ZNF420: variants seen among roughly 807,000 people sequenced by gnomAD.
ZNF420 encodes ATM and p53-associated KZNF protein.
Under a neutral mutation model 44.7 loss-of-function variants are expected in ZNF420, and 31 were observed. That is an observed-to-expected ratio of 0.69 (90% confidence interval 0.52 to 0.94). ZNF420 has a LOEUF of 0.94. Ranked by LOEUF, ZNF420 falls within the 40% of genes least tolerant of loss-of-function variation. The probability of loss-of-function intolerance (pLI) is 0.00; values close to 1 mark genes in which losing one functional copy is unlikely to be tolerated. For synonymous variants in ZNF420, 245 were observed against 267.4 expected (o/e 0.92, Z 0.82); for missense variants, 681 against 827.9 (o/e 0.82, Z 2.18).
At chr19:37,024,665 G>A (rs958216089) in intron 1 of ZNF420, among the ~76,000 whole-genome samples, 1 of 152,110 alleles carries the variant, frequency 6.6e-6, no homozygotes, top group Non-Finnish European at 1.5e-5. Context: ...GGCTAGGCTG[G>A]TCTCGAACTC....
At chr19:37,100,295 A>C (rs73626564) in intron 4 of ZNF420, among the ~76,000 whole-genome samples, 2,924 of 151,734 alleles carry the variant, frequency 0.019, 76 homozygotes, top group East Asian at 0.05. Context: ...TGGGTTCTCT[A>C]TCCTGTTCCA....
At chr19:37,108,567 C>A (rs1051662628) in intron 4 of ZNF420, among the ~76,000 whole-genome samples, 6 of 152,162 alleles carry the variant, frequency 3.9e-5, no homozygotes, top group African/African-American at 1.2e-4. Context: ...GGCTTATGAT[C>A]TCCTGTTTCT....
Position 37,130,322 on chromosome 19 carries a change from C to A in ZNF420, c.*1264C>A. 7.3e-7 allele frequency: 1 copy of A among 1,375,354 alleles called. No homozygotes were observed. Among genetic ancestry groups the A allele is most frequent in the Non-Finnish European group, 9.4e-7 (1 of 1,060,414 alleles). The allele number at this position is 1,375,354 out of a possible 1,614,324, so 85.2% of individuals were successfully genotyped here. A position where few individuals can be genotyped will look rare whatever the true frequency, so the allele number is the denominator to read the frequency against. ...AAATTAAACATCTTATTTGTTGATGCTATTGTAGTTCTGTTATTGACAATA... is the reference window on the plus strand; with the variant it reads ...AAATTAAACATCTTATTTGTTGATGATATTGTAGTTCTGTTATTGACAATA... On this transcript the variant is annotated 3_prime_UTR_variant, in exon 5 of 5. Coordinates refer to ENST00000337995, the MANE Select transcript of ZNF420 (RefSeq NM_144689.5).
intron 1 of ZNF420, among the ~76,000 whole-genome samples, chr19:37,012,510 G>A (rs2074577708): frequency 1.3e-5 from 2 of 152,238 alleles, no homozygotes; most frequent in African/African-American, 4.8e-5. Context: ...GCCAAGAGTG[G>A]TGGAGGTCCG....
At position 37,041,581 on chromosome 19, in the gene ZNF420, G is replaced by A. The variant is rs575933383; in HGVS notation, c.-125+33499G>A. Among the ~76,000 whole-genome samples the A allele has an allele frequency of 2.6e-5, 4 of 152,274 alleles. No individual in the cohort carries two copies. The East Asian group carries it at 7.7e-4, about 29-fold the overall frequency. ...GAAAAGCAATCTGTCTTCTCAAGAT[G>A]ATGCTTTTCATAGCAGCTTTTGCCA... On this transcript the variant is annotated intron_variant, in intron 1 of 4. Coordinates refer to the ZNF420 transcript ENST00000587029.
chr19:37,111,381 T>A (rs1002163275), intron 4 of ZNF420: 3 of 152,268 alleles, frequency 2.0e-5, no homozygotes, highest in Non-Finnish European at 4.4e-5. Context: ...ATCCAATTAA[T>A]GTCTCCTAGC....
intron 4 of ZNF420, among the ~76,000 whole-genome samples, chr19:37,116,951 C>T (rs144933173): frequency 0.017 from 2,597 of 152,234 alleles, 80 homozygotes; most frequent in African/African-American, 0.059. Context: ...AACAAAGCAG[C>T]CTGGAAGCTT....
chr19:37,112,001 T>G (rs1243813587), intron 4 of ZNF420, among the ~76,000 whole-genome samples: 1 of 151,998 alleles, frequency 6.6e-6, no homozygotes, highest in Non-Finnish European at 1.5e-5. Context: ...AAGGCGAGAA[T>G]GAAGGCTCAG....
At chr19:37,085,963 A>G (rs1968746461) in intron 2 of ZNF420, among the ~76,000 whole-genome samples, 1 of 146,994 alleles carries the variant, frequency 6.8e-6, no homozygotes, top group Admixed American at 6.8e-5. Flanking sequence ...TATTATTATT[A>G]TTATTATTAT....
chr19:37,057,319 T>A (rs1188027645), intron 1 of ZNF420, among the ~76,000 whole-genome samples: 2 of 152,156 alleles, frequency 1.3e-5, no homozygotes, highest in Non-Finnish European at 2.9e-5. Flanking sequence ...TGAGGACAGG[T>A]CTGCCTGTGT....
chr19:37,081,644 G>A (rs1661285118), intron 2 of ZNF420, among the ~76,000 whole-genome samples: 1 of 149,214 alleles, frequency 6.7e-6, no homozygotes, highest in Admixed American at 6.7e-5. Context: ...TCCTACCTTA[G>A]CCTCCCGAGT....
chr19:37,058,392 C>T (rs1002078992), intron 1 of ZNF420, among the ~76,000 whole-genome samples: 3 of 152,118 alleles, frequency 2.0e-5, no homozygotes, highest in African/African-American at 7.2e-5. Flanking sequence ...TCTGCACTTC[C>T]TGTCTTATTA....
In ZNF420 at chr19:37,128,975, C is replaced by G; in HGVS notation, c.1984C>G (p.Gln662Glu). 1 of 1,614,066 alleles carries G rather than the reference C, an allele frequency of 6.2e-7. No individual in the cohort carries two copies. Residue 662 changes from glutamine to glutamate, a missense_variant, in exon 5 of 5, where the codon CAG becomes GAG. By Grantham distance (29) the Gln-to-Glu change is conservative (BLOSUM62 2). Around this residue, in one of 3 missense-constraint regions of ZNF420, gnomAD observed 280 missense variants for 338.6 expected, o/e 0.83. Transcript: ENST00000337995. The part of the protein sequence containing the change: ...FTRGSQLTQH[Q>E]RIHISEKSFE... ...TCGTGGTTCACAGCTAACTCAACATCAGAGAATTCATATCAGTGAGAAATC... is the reference window on the plus strand; with the variant it reads ...TCGTGGTTCACAGCTAACTCAACATGAGAGAATTCATATCAGTGAGAAATC...
chr19:37,035,335 A>G (rs2146402519), intron 1 of ZNF420, among the ~76,000 whole-genome samples: 1 of 152,354 alleles, frequency 6.6e-6, no homozygotes, highest in East Asian at 1.9e-4. Context: ...TAAACTCTTT[A>G]AAATTTTAAT....
chr19:37,118,725 A>G (rs1216780244), intron 4 of ZNF420, among the ~76,000 whole-genome samples: 3 of 151,828 alleles, frequency 2.0e-5, no homozygotes, highest in African/African-American at 7.3e-5. Context: ...CAGGAAACCC[A>G]TCTCACGTGC....
At chr19:37,073,039 G>A (rs1413257199) in intron 1 of ZNF420, among the ~76,000 whole-genome samples, 1 of 152,126 alleles carries the variant, frequency 6.6e-6, no homozygotes, top group East Asian at 1.9e-4. Context: ...ACCACTGGTG[G>A]TTTTAAAAGT....
intron 1 of ZNF420, among the ~76,000 whole-genome samples, chr19:37,078,870 T>C (rs867084081): frequency 1.4e-4 from 21 of 152,210 alleles, no homozygotes; most frequent in Admixed American, 2.0e-4. Flanking sequence ...CTATGAAGTG[T>C]GTGACAGTTG....
At chr19:37,008,627 C>G (rs2074546350) in intron 1 of ZNF420, among the ~76,000 whole-genome samples, 1 of 152,180 alleles carries the variant, frequency 6.6e-6, no homozygotes, top group South Asian at 2.1e-4. Context: ...CACCACGACA[C>G]AGGCTTAAAG....
chr19:37,046,149 T>C (rs751768475), intron 1 of ZNF420, among the ~76,000 whole-genome samples: 4 of 152,158 alleles, frequency 2.6e-5, no homozygotes, highest in Non-Finnish European at 5.9e-5. Context: ...GAGATTTGGG[T>C]GGGGACACAG....
Sources: gnomAD v4.1 joint callset for allele counts (sites outside exome capture counted in the v4.1 genomes callset) on GRCh38, gnomAD v4.1.1 for gene constraint, gnomAD v4.1.1 regional missense constraint, MANE v1.5 for transcripts, NCBI Gene and HGNC (gene_info 2026-07-23, HGNC 2026-07-21) for gene names.